The following C12orf56 variants were observed in gnomAD, a reference collection of about 807,000 sequenced individuals.
The protein encoded by C12orf56 is uncharacterized protein C12orf56.
C12orf56 carries 71 observed loss-of-function variants against 69.9 expected under a neutral mutation model. The observed-to-expected ratio is 1.02, with a 90% CI of 0.84 to 1.24. The LOEUF (loss-of-function observed/expected upper bound fraction) is 1.24, where lower values mean the gene tolerates loss of function less well. Ranked by LOEUF, C12orf56 falls within the 50% of genes most tolerant of loss-of-function variation. The pLI is 0.00. For missense variants in C12orf56, 732 were observed against 738.5 expected (o/e 0.99, Z 0.10); for synonymous variants, 276 against 274.1 (o/e 1.01, Z -0.07).
In C12orf56 at chr12:64,353,048, A is replaced by G. The variant is rs749014498; in HGVS notation, c.261T>C (p.Asp87=). The G allele has an allele frequency of 6.2e-7, 1 of 1,611,274 alleles. No homozygotes were observed. The highest frequency in any genetic ancestry group is 1.1e-5 in the South Asian group (1 of 90,364). ...CTGGCGAACTCAAAAATTCCGGGTA[A>G]TCATCAATCTGGAAAAAAAATTAAT... ...RDVVAIDLID[D]YPEFLSSPDR... is the part of the protein sequence containing the mutation. The change falls in exon 2 of 13, where the codon GAT becomes GAC. Residue 87 remains aspartate (D), a synonymous_variant. Coordinates refer to ENST00000543942, the MANE Select transcript of C12orf56 (RefSeq NM_001170633.2).
In C12orf56 at chr12:64,316,113, TA is replaced by T. The variant is rs1225202832; in HGVS notation, c.894+2461del. ...TTTATTTTTTTAATTTTATTTTATA[TA>T]TTTTTTTTCAGACAGAGTCTCACTG... On this transcript the variant is annotated intron_variant, in intron 4 of 12. Transcript: ENST00000543942. Among the ~76,000 whole-genome samples the T allele has an allele frequency of 1.4e-4, 22 of 152,170 alleles. No homozygotes were observed. In the East Asian group the frequency reaches 2.5e-3, roughly 17 times the overall value.
intron 1 of C12orf56, among the ~76,000 whole-genome samples, chr12:64,386,435 T>G (rs1188632168): frequency 1.3e-5 from 2 of 150,124 alleles, no homozygotes; most frequent in East Asian, 2.0e-4. Context: ...CCACTCTTGT[T>G]GCACAGGCTG....
At position 64,318,886 on chromosome 12, in the gene C12orf56, G is replaced by A. The variant is rs766494932; in HGVS notation, c.583C>T (p.Arg195Ter). 2.0e-6 allele frequency: 3 copies of A among 1,537,208 alleles called. No homozygotes were observed. The highest frequency in any genetic ancestry group is 2.6e-6 in the Non-Finnish European group (3 of 1,146,902). Residue 195 changes from arginine to a stop codon, truncating the protein, a stop_gained, in exon 4 of 13, where the codon CGA (arginine) becomes TGA (stop). Transcript: ENST00000543942. LOFTEE classifies it high-confidence loss of function. Reference sequence around the variant, plus strand: ...CTCCTGGAGGGGGAAGGTAGGGGTCGAAAGGCACCTTGGCCATGAAGGGAC... The same window carrying A: ...CTCCTGGAGGGGGAAGGTAGGGGTCAAAAGGCACCTTGGCCATGAAGGGAC... Reference protein sequence around the residue: ...KLSLHGQGAFRPLPSPSRRSS... With the variant: ...KLSLHGQGAF
chr12:64,376,790 C>T (rs529622911), intron 1 of C12orf56, among the ~76,000 whole-genome samples: 46 of 152,296 alleles, frequency 3.0e-4, no homozygotes, highest in African/African-American at 1.0e-3. Context: ...AGGACATGAT[C>T]TCATTCCTTT....
chr12:64,313,388 G>A (rs138402133), intron 4 of C12orf56, among the ~76,000 whole-genome samples: 19 of 151,806 alleles, frequency 1.3e-4, no homozygotes, highest in African/African-American at 4.6e-4. Flanking sequence ...TATGCAAAGT[G>A]TCTGATCATG....
chr12:64,287,425 G>A (rs2038223540), intron 6 of C12orf56, among the ~76,000 whole-genome samples: 2 of 137,888 alleles, frequency 1.5e-5, no homozygotes, highest in East Asian at 2.2e-4. Context: ...GTATACATGT[G>A]CCATGCTGGT....
At chr12:64,344,955 A>C (rs2039121106) in intron 2 of C12orf56, among the ~76,000 whole-genome samples, 1 of 152,194 alleles carries the variant, frequency 6.6e-6, no homozygotes, top group African/African-American at 2.4e-5. Context: ...CTGAGCTGCA[A>C]CATTAAACGC....
In C12orf56 at chr12:64,318,563, G is replaced by C. The variant is rs1275266660; in HGVS notation, c.894+12C>G. On this transcript the variant is annotated intron_variant, in intron 4 of 12. Transcript: ENST00000543942. ...AAAATTCAGGTTAAGGTTAACTTAG[G>C]AGGACACTTACTATAATATAATTGT... The C allele has an allele frequency of 6.6e-6, 10 of 1,508,870 alleles. No homozygotes were observed. The highest frequency in any genetic ancestry group is 8.8e-6 in the Non-Finnish European group (10 of 1,130,304). The allele number at this position is 1,508,870 out of a possible 1,614,324, so 93.5% of individuals were successfully genotyped here.
chr12:64,283,765 T>C (rs2038162830), intron 8 of C12orf56, among the ~76,000 whole-genome samples: 1 of 151,878 alleles, frequency 6.6e-6, no homozygotes, highest in Non-Finnish European at 1.5e-5. Context: ...GACAACATGA[T>C]AGCAGGCAAC....
At chr12:64,326,272 G>T (rs1304586808) in intron 3 of C12orf56, among the ~76,000 whole-genome samples, 1 of 152,108 alleles carries the variant, frequency 6.6e-6, no homozygotes. Flanking sequence ...AGATATATAT[G>T]ATAAAACATA....
At chr12:64,308,940 G>GAAAGAAAGAAAAAAGA (rs35488127) in intron 5 of C12orf56, among the ~76,000 whole-genome samples, 23 of 80,878 alleles carry the variant, frequency 2.8e-4, no homozygotes, top group African/African-American at 6.4e-4. Context: ...AAGAAAGAAA[G>GAAAGAAAGAAAAAAGA]AAGAAAGAAA....
chr12:64,387,261 C>T (rs1266995771), intron 1 of C12orf56, among the ~76,000 whole-genome samples: 1 of 152,056 alleles, frequency 6.6e-6, no homozygotes, highest in Middle Eastern at 3.2e-3. Flanking sequence ...GTGTGCTTAT[C>T]TTTGGGGCTT....
intron 2 of C12orf56, among the ~76,000 whole-genome samples, chr12:64,346,514 C>T (rs531145593): frequency 1.3e-5 from 2 of 152,302 alleles, no homozygotes; most frequent in Non-Finnish European, 2.9e-5. Flanking sequence ...CAGTATTAAT[C>T]ATCATAGTGC....
chr12:64,265,311 C>T lies in C12orf56; in HGVS notation c.*1872G>A, dbSNP rs2037910567. On this transcript the variant is annotated 3_prime_UTR_variant, in exon 13 of 13. Transcript: ENST00000543942. ...TTGAGGGTAGAAAATGTGGACTCCT[C>T]ATTGGGTAATGAAGGAAAAGACTTG... 2 of 152,186 alleles carry T rather than the reference C, an allele frequency of 1.3e-5. No individual in the cohort carries two copies. The highest frequency in any genetic ancestry group is 2.9e-5 in the Non-Finnish European group (2 of 68,060). 9.4% of individuals were successfully genotyped at this position (152,186 alleles called of 1,614,324 possible). A position where few individuals can be genotyped will look rare whatever the true frequency, so the allele number is the denominator to read the frequency against.
Position 64,352,099 on chromosome 12 carries a change from G to GTT in C12orf56, c.415+793_415+794dup, listed in dbSNP as rs55762803. Among the ~76,000 whole-genome samples, 15 of 148,680 alleles carry GTT rather than the reference G, an allele frequency of 1.0e-4. 1 individual carries two copies. The highest frequency in any genetic ancestry group is 3.1e-4 in the African/African-American group (12 of 39,028). ...AAAAGGTTTTTTTGTTTTTGTTTTT[G>GTT]TTTTTTTTTTTTTTTTGTTTTTTTT... On this transcript the variant is annotated intron_variant, in intron 2 of 12. Coordinates refer to ENST00000543942, the MANE Select transcript of C12orf56 (RefSeq NM_001170633.2).
intron 3 of C12orf56, among the ~76,000 whole-genome samples, chr12:64,325,458 T>G (rs1315963231): frequency 1.3e-5 from 2 of 151,986 alleles, no homozygotes; most frequent in Non-Finnish European, 2.9e-5. Context: ...GCCCCTACAG[T>G]CTATTTAACT....
chr12:64,357,606 G>A (rs561316809), intron 1 of C12orf56, among the ~76,000 whole-genome samples: 1 of 151,924 alleles, frequency 6.6e-6, no homozygotes, highest in Admixed American at 6.6e-5. Flanking sequence ...TTGTAGAGAT[G>A]AGATCTCGGG....
chr12:64,328,697 AAAAAAAAAAATATATATATATATAT>A (rs1165684967), intron 3 of C12orf56, among the ~76,000 whole-genome samples: 2 of 24,092 alleles, frequency 8.3e-5, no homozygotes, highest in African/African-American at 2.8e-4. Context: ...AAAAAAAAAA[AAAAAAAAAAATATATATATATATAT>A]ATATATATAT....
chr12:64,280,693 G>GATTAGAGAT (rs2038110337), intron 8 of C12orf56, among the ~76,000 whole-genome samples: 2 of 152,122 alleles, frequency 1.3e-5, no homozygotes, highest in Admixed American at 6.5e-5. Flanking sequence ...AATCAGGTGA[G>GATTAGAGAT]CCCCGAAAAA....
Sources: gnomAD v4.1 joint callset for allele counts (sites outside exome capture counted in the v4.1 genomes callset) on GRCh38, gnomAD v4.1.1 for gene constraint, MANE v1.5 for transcripts, NCBI Gene and HGNC (gene_info 2026-07-23, HGNC 2026-07-21) for gene names.